CDH18: variants seen among roughly 807,000 people sequenced by gnomAD.
CDH18 encodes cadherin-18.
Under a neutral mutation model 67.9 loss-of-function variants are expected in CDH18, and 31 were observed. That is an observed-to-expected ratio of 0.46 (90% CI 0.34 to 0.62). The LOEUF is 0.62. Ranked by LOEUF, CDH18 falls within the 20% of genes least tolerant of loss-of-function variation. CDH18 has a pLI of 0.01. For missense variants in CDH18, 890 were observed against 975.5 expected (o/e 0.91, Z 1.17); for synonymous variants, 362 against 347.2 (o/e 1.04, Z -0.48).
chr5:19,702,076 G>A (rs916874503), intron 5 of CDH18, among the ~76,000 whole-genome samples: 6 of 151,066 alleles, frequency 4.0e-5, no homozygotes, highest in Non-Finnish European at 7.4e-5. Context: ...AATCCACCAC[G>A]GTGCACTCAG....
intron 1 of CDH18, among the ~76,000 whole-genome samples, chr5:20,502,961 T>C (rs1032401071): frequency 6.6e-6 from 1 of 151,676 alleles, no homozygotes; most frequent in Non-Finnish European, 1.5e-5. Context: ...ATGAATAAAT[T>C]CTGCTTTTAT....
chr5:20,242,620 A>ATATATACATATATATATATATACATG (rs1324288396), intron 2 of CDH18, among the ~76,000 whole-genome samples: 2 of 68,880 alleles, frequency 2.9e-5, no homozygotes, highest in East Asian at 8.8e-4. Context: ...AAATATATAT[A>ATATATACATATATATATATATACATG]TATATATATA....
intron 3 of CDH18, among the ~76,000 whole-genome samples, chr5:19,777,983 A>G (rs898074112): frequency 6.6e-6 from 1 of 152,212 alleles, no homozygotes; most frequent in African/African-American, 2.4e-5. Context: ...TAAATTCAAC[A>G]AATCAGATGA....
intron 2 of CDH18, among the ~76,000 whole-genome samples, chr5:20,146,858 T>C (rs187364889): frequency 3.3e-5 from 5 of 152,158 alleles, no homozygotes; most frequent in South Asian, 2.1e-4. Context: ...GATTTCTTTA[T>C]ACTTTTGATA....
At chr5:20,126,413 C>A (rs985564909) in intron 2 of CDH18, among the ~76,000 whole-genome samples, 1 of 152,118 alleles carries the variant, frequency 6.6e-6, no homozygotes, top group Non-Finnish European at 1.5e-5. Context: ...GAAAAGATTT[C>A]TTGGATTATC....
intron 1 of CDH18, among the ~76,000 whole-genome samples, chr5:20,497,420 A>T (rs1490362065): frequency 6.6e-6 from 1 of 152,172 alleles, no homozygotes; most frequent in Non-Finnish European, 1.5e-5. Flanking sequence ...GCTTAGATAC[A>T]CAATTTCTTA....
chr5:19,974,952 T>A (rs1489515007), intron 2 of CDH18, among the ~76,000 whole-genome samples: 1 of 152,130 alleles, frequency 6.6e-6, no homozygotes, highest in South Asian at 2.1e-4. Context: ...CTAGGAACTC[T>A]ATGACTTAAA....
chr5:19,730,999 T>A (rs991869765), intron 4 of CDH18, among the ~76,000 whole-genome samples: 3 of 152,192 alleles, frequency 2.0e-5, no homozygotes, highest in Non-Finnish European at 4.4e-5. Context: ...ACTTAAAATT[T>A]TTCTCTAGAG....
chr5:20,182,365 G>A (rs1737752381), intron 2 of CDH18, among the ~76,000 whole-genome samples: 1 of 151,904 alleles, frequency 6.6e-6, no homozygotes, highest in Non-Finnish European at 1.5e-5. Context: ...AACTTTGGGA[G>A]CCTCAAGTGG....
At chr5:20,096,449 A>C (rs1432477846) in intron 2 of CDH18, among the ~76,000 whole-genome samples, 1 of 152,124 alleles carries the variant, frequency 6.6e-6, no homozygotes, top group Non-Finnish European at 1.5e-5. Context: ...AGAGATATGC[A>C]GAAATAATGA....
At chr5:20,293,771 T>C (rs570837044) in intron 1 of CDH18, among the ~76,000 whole-genome samples, 1 of 152,320 alleles carries the variant, frequency 6.6e-6, no homozygotes, top group South Asian at 2.1e-4. Context: ...AATTCACTTC[T>C]TTTGATGAGT....
chr5:19,949,956 T>C (rs898091032), intron 2 of CDH18, among the ~76,000 whole-genome samples: 1 of 136,160 alleles, frequency 7.3e-6, no homozygotes, highest in East Asian at 2.1e-4. Flanking sequence ...ATTAATCAAG[T>C]GAATAAAGAA....
At chr5:19,492,119 G>T (rs1240443773) in intron 11 of CDH18, among the ~76,000 whole-genome samples, 1 of 152,044 alleles carries the variant, frequency 6.6e-6, no homozygotes, top group African/African-American at 2.4e-5. Flanking sequence ...ATGTGATTTA[G>T]AACCCTGTAA....
chr5:19,976,119 C>CT (rs1305076022), intron 2 of CDH18, among the ~76,000 whole-genome samples: 4 of 152,134 alleles, frequency 2.6e-5, no homozygotes, highest in African/African-American at 9.6e-5. Flanking sequence ...TTGTTTCATG[C>CT]TTCTTTTCCC....
At chr5:20,224,017 C>T (rs987034308) in intron 2 of CDH18, among the ~76,000 whole-genome samples, 1 of 152,094 alleles carries the variant, frequency 6.6e-6, no homozygotes, top group African/African-American at 2.4e-5. Flanking sequence ...AGAATTGCTT[C>T]TCTTTTTATA....
intron 8 of CDH18, among the ~76,000 whole-genome samples, chr5:19,546,643 A>T (rs560367941): frequency 3.3e-5 from 5 of 152,116 alleles, no homozygotes; most frequent in Non-Finnish European, 7.4e-5. Flanking sequence ...AATACAACCA[A>T]CCCCATGCCT....
chr5:19,767,893 G>T (rs939657563), intron 3 of CDH18, among the ~76,000 whole-genome samples: 1 of 151,974 alleles, frequency 6.6e-6, no homozygotes, highest in African/African-American at 2.4e-5. Context: ...AGAAAGAAAT[G>T]TATATAAGAA....
chr5:20,167,025 T>C (rs1736347049), intron 2 of CDH18, among the ~76,000 whole-genome samples: 1 of 152,178 alleles, frequency 6.6e-6, no homozygotes, highest in East Asian at 1.9e-4. Context: ...GCTTATTTTA[T>C]GTTTCTTGAA....
At chr5:19,545,538 T>C (rs1305448960) in intron 8 of CDH18, among the ~76,000 whole-genome samples, 6 of 152,168 alleles carry the variant, frequency 3.9e-5, no homozygotes, top group Non-Finnish European at 5.9e-5. Context: ...TGGACAAAGA[T>C]GGAAAGATAG....
Sources: allele counts gnomAD v4.1 joint callset (sites outside exome capture counted in the v4.1 genomes callset), GRCh38; gene constraint gnomAD v4.1.1; transcripts MANE v1.5; gene names NCBI Gene and HGNC (gene_info 2026-07-23, HGNC 2026-07-21).